The following ANO4 variants were observed in gnomAD, a reference collection of about 807,000 sequenced individuals.
The protein encoded by ANO4 is anoctamin-4.
A neutral mutation model predicts 141.9 loss-of-function variants in ANO4; 69 were observed. The observed-to-expected ratio is 0.49, with a 90% CI of 0.40 to 0.59. The LOEUF is 0.59. Ranked by LOEUF, ANO4 falls within the 20% of genes least tolerant of loss-of-function variation. The pLI, the probability that ANO4 is intolerant of heterozygous loss-of-function variation, is 0.00. For synonymous variants in ANO4, 350 were observed against 394.3 expected (o/e 0.89, Z 1.33); for missense variants, 894 against 1,162.2 (o/e 0.77, Z 3.36).
intron 9 of ANO4, among the ~76,000 whole-genome samples, chr12:101,024,952 A>G (rs2046673014): frequency 6.6e-6 from 1 of 152,244 alleles, no homozygotes; most frequent in South Asian, 2.1e-4. Flanking sequence ...GCCATTTTCC[A>G]GTTAGGCTAA....
chr12:101,119,231 G>A (rs1381706791), intron 25 of ANO4, among the ~76,000 whole-genome samples: 2 of 152,124 alleles, frequency 1.3e-5, no homozygotes, highest in South Asian at 2.1e-4. Context: ...GCTGAGGTGA[G>A]TAGATAGCTT....
chr12:101,055,719 T>C (rs1190823052), intron 14 of ANO4, among the ~76,000 whole-genome samples: 1 of 152,144 alleles, frequency 6.6e-6, no homozygotes, highest in Non-Finnish European at 1.5e-5. Context: ...TTTTTTGTTT[T>C]ATTTATGAAA....
intron 1 of ANO4, among the ~76,000 whole-genome samples, chr12:100,862,238 A>T (rs997630260): frequency 6.6e-6 from 1 of 152,236 alleles, no homozygotes; most frequent in Non-Finnish European, 1.5e-5. Flanking sequence ...TTAAATTTTT[A>T]AATAAATAGA....
chr12:100,956,286 C>T (rs1415214182), intron 5 of ANO4, among the ~76,000 whole-genome samples: 4 of 152,194 alleles, frequency 2.6e-5, no homozygotes, highest in South Asian at 4.2e-4. Context: ...TGATGGTCTT[C>T]GAAGAAGGTG....
intron 2 of ANO4, among the ~76,000 whole-genome samples, chr12:100,920,079 T>C (rs2041561318): frequency 6.6e-6 from 1 of 152,124 alleles, no homozygotes; most frequent in South Asian, 2.1e-4. Context: ...TGGGCTTCTA[T>C]TTATTAGTCT....
chr12:100,861,644 C>G (rs1315348686), intron 1 of ANO4, among the ~76,000 whole-genome samples: 1 of 152,132 alleles, frequency 6.6e-6, no homozygotes, highest in African/African-American at 2.4e-5. Flanking sequence ...TACATTTAGT[C>G]TACACTAAGG....
At chr12:100,735,932 GATA>G (rs2031590166) in intron 2 of ANO4, among the ~76,000 whole-genome samples, 1 of 152,320 alleles carries the variant, frequency 6.6e-6, no homozygotes, top group African/African-American at 2.4e-5. Context: ...AAGAAGATGA[GATA>G]ATAAGAGTGA....
intron 1 of ANO4, among the ~76,000 whole-genome samples, chr12:100,814,421 A>G (rs967669802): frequency 6.6e-6 from 1 of 152,150 alleles, no homozygotes; most frequent in Non-Finnish European, 1.5e-5. Flanking sequence ...ACAAGTTCAT[A>G]TGACAACATG....
intron 1 of ANO4, among the ~76,000 whole-genome samples, chr12:100,893,810 C>G (rs1391296846): frequency 6.6e-6 from 1 of 151,888 alleles, no homozygotes; most frequent in African/African-American, 2.4e-5. Flanking sequence ...AGAATTTGGT[C>G]GCAGGGGGAT....
At chr12:101,121,634 C>T (rs1593323189) in intron 26 of ANO4, among the ~76,000 whole-genome samples, 1 of 151,974 alleles carries the variant, frequency 6.6e-6, no homozygotes, top group East Asian at 1.9e-4. Flanking sequence ...GTAGTTAAGC[C>T]CTTTGTTCTT....
chr12:101,067,130 A>G (rs1330099335), intron 14 of ANO4: 3 of 329,600 alleles, frequency 9.1e-6, no homozygotes. Flanking sequence ...ACTTTTTATA[A>G]TGGATTGTGA....
chr12:101,081,620 C>A (rs2049280964), intron 15 of ANO4, among the ~76,000 whole-genome samples: 1 of 152,196 alleles, frequency 6.6e-6, no homozygotes, highest in Admixed American at 6.5e-5. Flanking sequence ...CCTTCTGGGG[C>A]AACCTCGCAC....
At chr12:100,968,729 C>T (rs1004411163) in intron 5 of ANO4, among the ~76,000 whole-genome samples, 7 of 152,144 alleles carry the variant, frequency 4.6e-5, no homozygotes, top group African/African-American at 7.2e-5. Flanking sequence ...GAAAAGCAAG[C>T]GGCAATCTTT....
intron 22 of ANO4, among the ~76,000 whole-genome samples, chr12:101,108,326 C>A (rs958598037): frequency 6.6e-6 from 1 of 152,116 alleles, no homozygotes; most frequent in African/African-American, 2.4e-5. Flanking sequence ...ACAGGGGACA[C>A]CTGGAGGTGG....
At chr12:100,961,214 G>A (rs1476814248) in intron 5 of ANO4, among the ~76,000 whole-genome samples, 1 of 152,170 alleles carries the variant, frequency 6.6e-6, no homozygotes, top group African/African-American at 2.4e-5. Flanking sequence ...TTTGCTGAAT[G>A]ATTTTATGAG....
intron 1 of ANO4, among the ~76,000 whole-genome samples, chr12:100,840,240 G>C (rs1514783): frequency 0.83 from 125,954 of 152,040 alleles, 52,206 homozygotes; most frequent in Admixed American, 0.87. Flanking sequence ...CCGTGTCTTT[G>C]TGTCCCAGTT....
intron 3 of ANO4, among the ~76,000 whole-genome samples, chr12:100,773,108 G>T (rs887142970): frequency 2.0e-5 from 3 of 152,280 alleles, no homozygotes; most frequent in Admixed American, 2.0e-4. Flanking sequence ...CCATGATCAA[G>T]GTACCAGCAG....
At chr12:100,784,073 C>T (rs566127864) in intron 3 of ANO4, among the ~76,000 whole-genome samples, 1 of 152,266 alleles carries the variant, frequency 6.6e-6, no homozygotes, top group African/African-American at 2.4e-5. Flanking sequence ...TGGTTTTTCA[C>T]TGTTGTATTT....
intron 8 of ANO4, among the ~76,000 whole-genome samples, chr12:101,015,577 A>G (rs2046284198): frequency 6.6e-6 from 1 of 152,224 alleles, no homozygotes; most frequent in African/African-American, 2.4e-5. Flanking sequence ...ACATTGTTGT[A>G]CATCTGTCAC....
Sources: allele counts gnomAD v4.1 joint callset (sites outside exome capture counted in the v4.1 genomes callset), GRCh38; gene constraint gnomAD v4.1.1; transcripts MANE v1.5; gene names NCBI Gene and HGNC (gene_info 2026-07-23, HGNC 2026-07-21).